Variants in IL1RN observed in about 807,000 individuals in gnomAD.
IL1RN encodes interleukin-1 receptor antagonist protein.
IL1RN carries 10 observed loss-of-function variants against 13.7 expected under a neutral mutation model. The ratio of observed to expected loss-of-function variants is 0.73; its 90% CI spans 0.45 to 1.24. The LOEUF is 1.24. Ranked by LOEUF, IL1RN falls within the 50% of genes most tolerant of loss-of-function variation. The probability of loss-of-function intolerance (pLI) is 0.00; values close to 1 mark genes in which losing one functional copy is unlikely to be tolerated. For missense variants in IL1RN, 213 were observed against 222.1 expected (o/e 0.96, Z 0.26); for synonymous variants, 102 against 82.7 (o/e 1.23, Z -1.27).
chr2:113,133,058 C>T lies in IL1RN; in HGVS notation c.*187C>T, dbSNP rs1687231725. ...CCTCTTCAACTGACCAGCCTCCATG[C>T]TGCCTCCAGAATGGTCTTTCTAATG... On this transcript the variant is annotated 3_prime_UTR_variant, in exon 4 of 4. Transcript: ENST00000409930. The T allele has an allele frequency of 1.5e-6, 1 of 667,372 alleles. No individual in the cohort carries two copies. Among genetic ancestry groups the T allele is most frequent in the Non-Finnish European group, 2.7e-6 (1 of 368,336 alleles). The allele number at this position is 667,372 out of a possible 1,614,324, so 41.3% of individuals were successfully genotyped here.
chr2:113,119,254 A>T (rs1686686550), intron 1 of IL1RN, among the ~76,000 whole-genome samples: 1 of 152,168 alleles, frequency 6.6e-6, no homozygotes, highest in African/African-American at 2.4e-5. Flanking sequence ...CTTGCTGAGC[A>T]CTTTACATGG....
At chr2:113,103,229 G>A (rs1686341191), upstream of IL1RN, among the ~76,000 whole-genome samples, 1 of 152,202 alleles carries the variant, frequency 6.6e-6, no homozygotes, top group Admixed American at 6.5e-5. Context: ...AGGCCTGGGA[G>A]TCTGAAAGAA....
At chr2:113,120,213 T>A in intron 2 of IL1RN, 1 of 930,186 alleles carries the variant, frequency 1.1e-6, no homozygotes, top group East Asian at 2.4e-5. Context: ...TTGAAGGAAA[T>A]TAAAGATGAA....
intron 3 of IL1RN, among the ~76,000 whole-genome samples, chr2:113,132,187 G>A (rs973870413): frequency 1.3e-5 from 2 of 152,216 alleles, no homozygotes; most frequent in Non-Finnish European, 2.9e-5. Context: ...AGTGGCTCAC[G>A]CCTGTAATCC....
rs565976240 is a variant in IL1RN, at chr2:113,133,350, AT to A, written c.*490del. 0.02 allele frequency: 3,215 copies of A among 164,648 alleles called. 56 individuals carry two copies. Among genetic ancestry groups the A allele is most frequent in the African/African-American group, 0.052 (2,136 of 41,024 alleles). The allele number at this position is 164,648 out of a possible 1,614,324, so 10.2% of individuals were successfully genotyped here. A position where few individuals can be genotyped will look rare whatever the true frequency, so the allele number is the denominator to read the frequency against. Reference sequence around the variant, plus strand: ...GGAAAATGAAAATTAGGATTTCATGATTTTTTTTTTTCAGTCCCCGTGAAGG... The same window carrying A: ...GGAAAATGAAAATTAGGATTTCATGATTTTTTTTTTCAGTCCCCGTGAAGG... On this transcript the variant is annotated 3_prime_UTR_variant, in exon 4 of 4. Coordinates refer to ENST00000409930, the MANE Select transcript of IL1RN (RefSeq NM_173842.3).
At chr2:113,101,812 G>A in the IL1RN span, among the ~76,000 whole-genome samples, 2 of 152,108 alleles carry the variant, frequency 1.3e-5, no homozygotes, top group South Asian at 2.1e-4. Context: ...TTGTTACCCA[G>A]GCTGGAGTGC....
At chr2:113,103,808 T>C (rs1017229605), upstream of IL1RN, among the ~76,000 whole-genome samples, 1 of 152,078 alleles carries the variant, frequency 6.6e-6, no homozygotes, top group African/African-American at 2.4e-5. Context: ...GTTTGGGACA[T>C]TCTGGGTGTC....
upstream of IL1RN, among the ~76,000 whole-genome samples, chr2:113,105,627 T>A (rs1172227134): frequency 6.6e-6 from 1 of 152,206 alleles, no homozygotes; most frequent in Non-Finnish European, 1.5e-5. Context: ...TCTTCTTCCC[T>A]TTTTTGATCC....
intron 1 of IL1RN, chr2:113,120,004 A>G: frequency 7.6e-7 from 1 of 1,311,176 alleles, no homozygotes; most frequent in South Asian, 1.2e-5. Flanking sequence ...TGGACAAGTC[A>G]TTCATTTCTC....
At position 113,133,725 on chromosome 2, in the gene IL1RN, G is replaced by C. The variant is rs1687255110; in HGVS notation, c.*854G>C. The C allele has an allele frequency of 6.6e-6, 1 of 152,548 alleles. No individual in the cohort carries two copies. The highest frequency in any genetic ancestry group is 1.5e-5 in the Non-Finnish European group (1 of 68,046). The allele number at this position is 152,548 out of a possible 1,614,324, so 9.4% of individuals were successfully genotyped here. A position where few individuals can be genotyped will look rare whatever the true frequency, so the allele number is the denominator to read the frequency against. ...GCTCTGAGCAAATGTGGCTCCTGGG[G>C]GTTCTTTCTTCCTCTGCTGAAGGAA... is the stretch of plus-strand genomic sequence containing the variant. On this transcript the variant is annotated 3_prime_UTR_variant, in exon 4 of 4. Coordinates refer to ENST00000409930, the MANE Select transcript of IL1RN (RefSeq NM_173842.3).
upstream of IL1RN, chr2:113,113,066 A>G (rs768247327): frequency 4.6e-5 from 7 of 152,206 alleles, no homozygotes; most frequent in Non-Finnish European, 8.8e-5. Context: ...GAAGATTCGT[A>G]TCGGTCTGAG....
upstream of IL1RN, among the ~76,000 whole-genome samples, chr2:113,117,166 G>C (rs140675426): frequency 1.3e-5 from 2 of 152,394 alleles, no homozygotes; most frequent in East Asian, 3.9e-4. Context: ...TGCTTCTAGA[G>C]AAAGCAGGGA....
chr2:113,119,994 T>G (rs1299632016), intron 1 of IL1RN: 2 of 1,190,048 alleles, frequency 1.7e-6, no homozygotes, highest in African/African-American at 3.0e-5. Flanking sequence ...TGTGTTACCT[T>G]GGACAAGTCA....
the IL1RN span, among the ~76,000 whole-genome samples, chr2:113,101,089 CTT>C: frequency 2.0e-5 from 3 of 152,136 alleles, no homozygotes; most frequent in African/African-American, 7.2e-5. Flanking sequence ...TTAAAAAGGA[CTT>C]TGAGTCTCTA....
At chr2:113,110,764 T>A (rs185033654), upstream of IL1RN, among the ~76,000 whole-genome samples, 1 of 152,388 alleles carries the variant, frequency 6.6e-6, no homozygotes, top group East Asian at 1.9e-4. Context: ...CCTGGCATAG[T>A]GCCTGGCACA....
At chr2:113,104,474 C>T (rs1033783766), upstream of IL1RN, among the ~76,000 whole-genome samples, 3 of 152,060 alleles carry the variant, frequency 2.0e-5, no homozygotes, top group Non-Finnish European at 4.4e-5. Flanking sequence ...TATTCCTGGG[C>T]CTTCTCATGG....
chr2:113,121,087 T>TTCCTCTTCCTCTTCC (rs1491546912), intron 2 of IL1RN, among the ~76,000 whole-genome samples: 89 of 91,308 alleles, frequency 9.7e-4, no homozygotes, highest in African/African-American at 3.2e-3. Context: ...CTTCTTCTTC[T>TTCCTCTTCCTCTTCC]TCTTCTTCCT....
upstream of IL1RN, among the ~76,000 whole-genome samples, chr2:113,114,547 T>G (rs1345318211): frequency 6.6e-6 from 1 of 152,166 alleles, no homozygotes; most frequent in African/African-American, 2.4e-5. Flanking sequence ...CTATATATCT[T>G]GACCACATTT....
chr2:113,108,160 A>AT (rs1333629593), upstream of IL1RN, among the ~76,000 whole-genome samples: 2 of 151,910 alleles, frequency 1.3e-5, no homozygotes, highest in Non-Finnish European at 2.9e-5. Flanking sequence ...TTCTAGAGGC[A>AT]TTTGCATTCC....
Sources: allele counts gnomAD v4.1 joint callset (sites outside exome capture counted in the v4.1 genomes callset), GRCh38; gene constraint gnomAD v4.1.1; transcripts MANE v1.5; gene names NCBI Gene and HGNC (gene_info 2026-07-23, HGNC 2026-07-21).